CSMD1: variants seen among roughly 807,000 people sequenced by gnomAD.
CSMD1 encodes the protein CUB and Sushi multiple domains 1.
In CSMD1, 213 loss-of-function variants were observed where a neutral mutation model predicts 417.5. That is an observed-to-expected ratio of 0.51 (90% CI 0.46 to 0.57). The LOEUF is 0.57. Among genes scored for constraint, CSMD1 ranks in the 20% least tolerant of loss-of-function variants. CSMD1 has a pLI of 0.00. For synonymous variants in CSMD1, 2,862 were observed against 1,736.8 expected, an observed-to-expected ratio of 1.65 and a Z score of -16.11; for missense variants, 6,923 against 4,529.7, an observed-to-expected ratio of 1.53 and a Z score of -15.17.
At chr8:3,539,961 G>T (rs543021123) in intron 10 of CSMD1, among the ~76,000 whole-genome samples, 1 of 152,122 alleles carries the variant, frequency 6.6e-6, no homozygotes, top group Non-Finnish European at 1.5e-5. Flanking sequence ...ATTGTAGCTA[G>T]TTTGAGAAAC....
Position 3,982,277 on chromosome 8 carries a change from G to T in CSMD1, c.818+15626C>A, listed in dbSNP as rs370906124. Among the ~76,000 whole-genome samples, 17 of 151,362 alleles carry T rather than the reference G, an allele frequency of 1.1e-4. No homozygotes were observed. In the South Asian group the frequency reaches 3.5e-3, roughly 32 times the overall value. On this transcript the variant is annotated intron_variant, in intron 5 of 69. Coordinates refer to ENST00000635120, the MANE Select transcript of CSMD1 (RefSeq NM_033225.6). ...TAAGAATGCTGGGATTTAAATCCTG[G>T]TCTACATTCCTGAGTTGTGTGATAC...
chr8:4,445,751 C>T lies in CSMD1; in HGVS notation c.303-25686G>A, dbSNP rs561116174. 3.3e-5 allele frequency among the ~76,000 whole-genome samples: 5 copies of T among 152,214 alleles called. No homozygotes were observed. The South Asian group carries it at 1.0e-3, about 32-fold the overall frequency. On this transcript the variant is annotated intron_variant, in intron 2 of 69. Coordinates refer to ENST00000635120, the MANE Select transcript of CSMD1 (RefSeq NM_033225.6). ...GTTGCATTAAGTATCCAATAATAGA[C>T]GGTCCTGAGAATCTACACTAAGAAA...
chr8:4,388,629 A>T (rs1001683185), intron 3 of CSMD1, among the ~76,000 whole-genome samples: 4 of 152,100 alleles, frequency 2.6e-5, no homozygotes, highest in African/African-American at 9.7e-5. Context: ...GGTGCACCAA[A>T]ATCTTGCAAA....
intron 50 of CSMD1, among the ~76,000 whole-genome samples, chr8:3,035,061 C>T (rs930698942): frequency 2.1e-4 from 32 of 152,224 alleles, no homozygotes. Context: ...AGTGGAGTTA[C>T]AGTCAGGAGG....
intron 5 of CSMD1, among the ~76,000 whole-genome samples, chr8:3,764,736 T>C (rs897416398): frequency 1.4e-5 from 1 of 72,982 alleles, no homozygotes; most frequent in Non-Finnish European, 3.2e-5. Flanking sequence ...CCCTTTTCTC[T>C]TTCTTTTTTT....
intron 3 of CSMD1, among the ~76,000 whole-genome samples, chr8:4,418,234 A>G (rs1797053341): frequency 6.6e-6 from 1 of 152,144 alleles, no homozygotes. Context: ...ACATAGCCAC[A>G]TTAAAAAATA....
intron 68 of CSMD1, among the ~76,000 whole-genome samples, chr8:2,944,008 C>T (rs993437012): frequency 1.3e-5 from 2 of 152,126 alleles, no homozygotes; most frequent in Non-Finnish European, 2.9e-5. Flanking sequence ...TTTCAAATGA[C>T]ATTATTTGCC....
intron 2 of CSMD1, among the ~76,000 whole-genome samples, chr8:4,479,850 C>T (rs975791453): frequency 6.6e-6 from 1 of 151,752 alleles, no homozygotes; most frequent in Admixed American, 6.6e-5. Context: ...CCTTTAGTTC[C>T]AGCTACTCGG....
intron 3 of CSMD1, among the ~76,000 whole-genome samples, chr8:4,032,640 T>A (rs1162492082): frequency 6.6e-6 from 1 of 152,218 alleles, no homozygotes; most frequent in South Asian, 2.1e-4. Context: ...ATCTCATGCA[T>A]TGATCCATCA....
chr8:3,201,788 G>T lies in CSMD1; in HGVS notation c.4985-63C>A, dbSNP rs560480143. On this transcript the variant is annotated intron_variant, in intron 31 of 69. Transcript: ENST00000635120. ...CTAAGAAAACAAAATGGAGATTTTT[G>T]ATTTCACTGAATATCTATTAATTGC... 8.2e-5 allele frequency: 75 copies of T among 914,566 alleles called. No individual in the cohort carries two copies. The Middle Eastern group carries it at 3.4e-3, about 42-fold the overall frequency. The allele number at this position is 914,566 out of a possible 1,614,324, so 56.7% of individuals were successfully genotyped here.
intron 5 of CSMD1, among the ~76,000 whole-genome samples, chr8:3,943,895 C>A (rs1199559067): frequency 6.6e-6 from 1 of 152,036 alleles, no homozygotes; most frequent in Non-Finnish European, 1.5e-5. Flanking sequence ...CTAAATGCAA[C>A]CTGTGATGCT....
chr8:3,747,732 T>C (rs937044720), intron 6 of CSMD1, among the ~76,000 whole-genome samples: 6 of 152,208 alleles, frequency 3.9e-5, no homozygotes, highest in African/African-American at 1.2e-4. Flanking sequence ...TTCAGCTTGA[T>C]GGTAAAACAG....
intron 5 of CSMD1, among the ~76,000 whole-genome samples, chr8:3,849,775 G>C (rs1470765153): frequency 6.6e-6 from 1 of 152,076 alleles, no homozygotes; most frequent in Non-Finnish European, 1.5e-5. Flanking sequence ...GAAATGATAT[G>C]TTTTTAAAGA....
At chr8:3,293,083 T>C (rs186800641) in intron 25 of CSMD1, among the ~76,000 whole-genome samples, 2 of 152,180 alleles carry the variant, frequency 1.3e-5, no homozygotes, top group East Asian at 1.9e-4. Flanking sequence ...CCTTCACTTA[T>C]GAAGCTTAGT....
In CSMD1 at chr8:4,329,438, G is replaced by T. The variant is rs563734083; in HGVS notation, c.415+90515C>A. On this transcript the variant is annotated intron_variant, in intron 3 of 69. Transcript: ENST00000635120. ...CGGGTAGCTGGGACTACAGGCAGGCGTCAGCACACTGGCTAATTTTTGTAT... is the reference window on the plus strand; with the variant it reads ...CGGGTAGCTGGGACTACAGGCAGGCTTCAGCACACTGGCTAATTTTTGTAT... Among the ~76,000 whole-genome samples the T allele has an allele frequency of 6.0e-4, 92 of 152,106 alleles. 1 individual carries two copies. The Middle Eastern group carries it at 0.031, about 51-fold the overall frequency.
intron 2 of CSMD1, among the ~76,000 whole-genome samples, chr8:4,636,545 T>C (rs1427352362): frequency 6.6e-6 from 1 of 152,204 alleles, no homozygotes; most frequent in East Asian, 1.9e-4. Context: ...ATTAGCTGAA[T>C]TGTACTCAAG....
chr8:3,071,262 G>C (rs1170715042), intron 49 of CSMD1, among the ~76,000 whole-genome samples: 1 of 152,136 alleles, frequency 6.6e-6, no homozygotes. Context: ...ATAATTTCAT[G>C]CTGAAAGGAT....
chr8:4,048,236 C>T (rs186262556), intron 3 of CSMD1, among the ~76,000 whole-genome samples: 1 of 152,120 alleles, frequency 6.6e-6, no homozygotes, highest in Non-Finnish European at 1.5e-5. Context: ...TTATTAGTCA[C>T]TGAGATTAGA....
intron 1 of CSMD1, among the ~76,000 whole-genome samples, chr8:4,859,890 C>T (rs1802024105): frequency 6.6e-6 from 1 of 152,096 alleles, no homozygotes; most frequent in Non-Finnish European, 1.5e-5. Flanking sequence ...TACCATTTGA[C>T]CCAGCCATCC....
Sources: gnomAD v4.1 joint callset for allele counts (sites outside exome capture counted in the v4.1 genomes callset) on GRCh38, gnomAD v4.1.1 for gene constraint, MANE v1.5 for transcripts, NCBI Gene and HGNC (gene_info 2026-07-23, HGNC 2026-07-21) for gene names.